The following EDARADD variants were observed in gnomAD, a reference collection of about 807,000 sequenced individuals.
The protein encoded by EDARADD is ectodysplasin-A receptor-associated adapter protein.
Under a neutral mutation model 25.6 loss-of-function variants are expected in EDARADD, and 20 were observed. That is an observed-to-expected ratio of 0.78 (90% CI 0.55 to 1.14). The LOEUF is 1.14. EDARADD is among the 50% of genes most tolerant of loss of function. EDARADD has a pLI of 0.00. For missense variants in EDARADD, 225 were observed against 270.1 expected, an observed-to-expected ratio of 0.83 and a Z score of 1.17; for synonymous variants, 86 against 94.4, an observed-to-expected ratio of 0.91 and a Z score of 0.52.
intron 5 of EDARADD, among the ~76,000 whole-genome samples, chr1:236,476,254 GAT>G (rs1659501417): frequency 6.6e-6 from 1 of 151,916 alleles, no homozygotes; most frequent in Non-Finnish European, 1.5e-5. Context: ...GAAACCTTCT[GAT>G]GTTTTTTTCT....
chr1:236,378,630 G>A (rs543181721), intron 3 of EDARADD, among the ~76,000 whole-genome samples: 23 of 152,216 alleles, frequency 1.5e-4, no homozygotes, highest in Middle Eastern at 6.8e-3. Context: ...AGCTCCCTGC[G>A]TGCTGGCCAT....
At position 236,405,822 on chromosome 1, in the gene EDARADD, T is replaced by TTCCCTTCC. The variant is rs1667711688; in HGVS notation, c.62-3393_62-3392insCCCTTCCT. 1.7e-3 allele frequency among the ~76,000 whole-genome samples: 96 copies of TTCCCTTCC among 55,450 alleles called. 1 individual carries two copies. The highest frequency in any genetic ancestry group is 5.6e-3 in the African/African-American group (72 of 12,842). 36.4% of individuals were successfully genotyped at this position (55,450 alleles called of 152,430 possible). Reference sequence around the variant, plus strand: ...TTTCTTTCTTTCTTTCCTTCCTTCCTTTCCTTCCTTCCTTCCTTCCTTCCT... The same window carrying TTCCCTTCC: ...TTTCTTTCTTTCTTTCCTTCCTTCCTTCCCTTCCTTCCTTCCTTCCTTCCTTCCTTCCT... On this transcript the variant is annotated intron_variant, in intron 1 of 5. Transcript: ENST00000334232.
chr1:236,456,735 C>T (rs1295839734), intron 4 of EDARADD, among the ~76,000 whole-genome samples: 1 of 133,832 alleles, frequency 7.5e-6, no homozygotes, highest in Admixed American at 8.1e-5. Context: ...CCCCTCACTC[C>T]CTCTGCACCT....
intron 3 of EDARADD, among the ~76,000 whole-genome samples, chr1:236,420,288 T>G (rs1657750908): frequency 6.6e-6 from 1 of 152,176 alleles, no homozygotes; most frequent in Admixed American, 6.5e-5. Flanking sequence ...CAACCCTGAG[T>G]TAAATGGTTC....
At chr1:236,362,208 G>A (rs1667059240) in intron 3 of EDARADD, among the ~76,000 whole-genome samples, 3 of 152,230 alleles carry the variant, frequency 2.0e-5, no homozygotes, top group Admixed American at 2.0e-4. Flanking sequence ...CCAAAGTATT[G>A]GGATTACTTG....
intron 4 of EDARADD, among the ~76,000 whole-genome samples, chr1:236,454,932 C>A (rs1658814615): frequency 6.6e-6 from 1 of 152,192 alleles, no homozygotes; most frequent in African/African-American, 2.4e-5. Flanking sequence ...GATGGAAAGG[C>A]CGTGTGTGGT....
At chr1:236,410,671 G>A (rs936091540) in intron 2 of EDARADD, among the ~76,000 whole-genome samples, 1 of 152,196 alleles carries the variant, frequency 6.6e-6, no homozygotes, top group African/African-American at 2.4e-5. Flanking sequence ...CATTCCTTCT[G>A]TTCCAGATCC....
intron 3 of EDARADD, among the ~76,000 whole-genome samples, chr1:236,385,161 C>A (rs558877257): frequency 4.0e-5 from 6 of 148,478 alleles, no homozygotes; most frequent in Non-Finnish European, 5.9e-5. Context: ...GTAATCTCAG[C>A]ACTTTGGGAG....
At chr1:236,389,822 T>C (rs1667398998), upstream of EDARADD, among the ~76,000 whole-genome samples, 1 of 152,086 alleles carries the variant, frequency 6.6e-6, no homozygotes, top group African/African-American at 2.4e-5. Flanking sequence ...GGTAATGTAG[T>C]GAGACTCCTG....
chr1:236,408,760 C>A (rs1288525947), intron 1 of EDARADD, among the ~76,000 whole-genome samples: 1 of 151,038 alleles, frequency 6.6e-6, no homozygotes, highest in Non-Finnish European at 1.5e-5. Context: ...TTCTTTCTTT[C>A]TTTCTTTTTT....
chr1:236,372,570 T>C (rs1324765947), intron 3 of EDARADD, among the ~76,000 whole-genome samples: 1 of 152,222 alleles, frequency 6.6e-6, no homozygotes, highest in Non-Finnish European at 1.5e-5. Flanking sequence ...ATTAGGCTAA[T>C]GCTGGCATCA....
At chr1:236,371,159 T>G (rs965754120) in intron 3 of EDARADD, among the ~76,000 whole-genome samples, 1 of 152,254 alleles carries the variant, frequency 6.6e-6, no homozygotes, top group Non-Finnish European at 1.5e-5. Flanking sequence ...GATTTATACC[T>G]AAGTATTGCA....
chr1:236,390,690 G>A (rs1295918298), upstream of EDARADD, among the ~76,000 whole-genome samples: 1 of 152,158 alleles, frequency 6.6e-6, no homozygotes, highest in Admixed American at 6.5e-5. Context: ...GTATCAAAAG[G>A]ATTAAAGGGT....
intron 4 of EDARADD, among the ~76,000 whole-genome samples, chr1:236,447,222 TTCC>T (rs1384464164): frequency 2.7e-4 from 10 of 37,480 alleles, no homozygotes; most frequent in African/African-American, 7.3e-4. Flanking sequence ...CTTTCTTTCT[TTCC>T]TTTCTTTCCT....
At chr1:236,443,682 G>A (rs1334388194) in intron 4 of EDARADD, among the ~76,000 whole-genome samples, 5 of 152,206 alleles carry the variant, frequency 3.3e-5, no homozygotes, top group African/African-American at 1.2e-4. Context: ...TTCTTGTGAT[G>A]GAATCTGCTC....
At chr1:236,417,422 G>A (rs899726445) in intron 3 of EDARADD, among the ~76,000 whole-genome samples, 2 of 152,108 alleles carry the variant, frequency 1.3e-5, no homozygotes, top group Non-Finnish European at 2.9e-5. Flanking sequence ...TGAATAATGT[G>A]GTTTTAATAA....
intron 4 of EDARADD, among the ~76,000 whole-genome samples, chr1:236,467,762 C>G (rs944688991): frequency 6.6e-6 from 1 of 151,648 alleles, no homozygotes; most frequent in Non-Finnish European, 1.5e-5. Flanking sequence ...TGCATTGATA[C>G]CCTTTTTTTT....
At chr1:236,480,874 T>A (rs1659653506) in intron 5 of EDARADD, among the ~76,000 whole-genome samples, 1 of 152,212 alleles carries the variant, frequency 6.6e-6, no homozygotes, top group Non-Finnish European at 1.5e-5. Flanking sequence ...TAAGTTTCAG[T>A]AGAAAGATGG....
intron 4 of EDARADD, among the ~76,000 whole-genome samples, chr1:236,460,761 C>T (rs1227250155): frequency 6.6e-6 from 1 of 151,956 alleles, no homozygotes; most frequent in East Asian, 1.9e-4. Flanking sequence ...CTTGGGAATT[C>T]TTACCCCTGA....
Sources: allele counts gnomAD v4.1 joint callset (sites outside exome capture counted in the v4.1 genomes callset), GRCh38; gene constraint gnomAD v4.1.1; transcripts MANE v1.5; gene names NCBI Gene and HGNC (gene_info 2026-07-23, HGNC 2026-07-21).